Variants in RASAL1 observed in about 807,000 individuals in gnomAD.
RASAL1 encodes the protein rasGAP-activating-like protein 1.
Under a neutral mutation model 96.6 loss-of-function variants are expected in RASAL1, and 72 were observed. The observed-to-expected ratio is 0.75, with a 90% confidence interval of 0.62 to 0.91. The LOEUF is 0.91. RASAL1 is among the 40% of genes least tolerant of loss of function. RASAL1 has a pLI of 0.00. For synonymous variants in RASAL1, 405 were observed against 430.4 expected (o/e 0.94, Z 0.73); for missense variants, 1,016 against 1,072.5 (o/e 0.95, Z 0.74).
At chr12:113,117,377 A>G (rs899626109) in intron 7 of RASAL1, among the ~76,000 whole-genome samples, 1 of 152,208 alleles carries the variant, frequency 6.6e-6, no homozygotes, top group Non-Finnish European at 1.5e-5. Flanking sequence ...CACTTAATTT[A>G]CAGTTGAGGA....
chr12:113,133,816 C>CT (rs1206248510), intron 1 of RASAL1, among the ~76,000 whole-genome samples: 1 of 152,184 alleles, frequency 6.6e-6, no homozygotes, highest in Admixed American at 6.5e-5. Context: ...AGGGCATGAC[C>CT]TATTTCATAG....
At position 113,115,085 on chromosome 12, in the gene RASAL1, G is replaced by T; in HGVS notation, c.1068+115C>A. On this transcript the variant is annotated intron_variant, in intron 11 of 20. Transcript: ENST00000548055. This position sits in a 1 kb window ranked among gnomAD's most constrained non-coding sequence, Gnocchi z 4.1. The stretch of plus-strand genomic sequence containing the variant: ...AGGCCGGGCACCAGCCGCCAGCACT[G>T]CAGCTCGGCTGCTCAGTGCTGTCTG... 8.1e-7 allele frequency: 1 copy of T among 1,233,974 alleles called. No homozygotes were observed. The highest frequency in any genetic ancestry group is 1.2e-6 in the Non-Finnish European group (1 of 841,720). 76.4% of individuals were successfully genotyped at this position (1,233,974 alleles called of 1,614,324 possible). A position where few individuals can be genotyped will look rare whatever the true frequency, so the allele number is the denominator to read the frequency against.
At chr12:113,112,057 C>T (rs949017994) in intron 13 of RASAL1, 29 bp downstream of exon 13, 35 of 1,235,646 alleles carry the variant, frequency 2.8e-5, no homozygotes, top group Non-Finnish European at 3.4e-5. Flanking sequence ...CCGGCCTGTC[C>T]CCAGCCTCAG....
chr12:113,130,016 G>T lies in RASAL1; in HGVS notation c.122+869C>A, dbSNP rs562584127. On this transcript the variant is annotated intron_variant, in intron 2 of 20. Coordinates refer to ENST00000548055, the MANE Select transcript of RASAL1 (RefSeq NM_001301202.2). The surrounding 1 kb of genome is among the most constrained non-coding windows in gnomAD (Gnocchi z 5.1). ...GGACAGTGGAGGGGAGTCAGTGGAG[G>T]GGGGAGCTACAGCTGACCCCTCCCC... Among the ~76,000 whole-genome samples, 23 of 152,200 alleles carry T rather than the reference G, an allele frequency of 1.5e-4. No individual in the cohort carries two copies. The highest frequency in any genetic ancestry group is 9.2e-4 in the Admixed American group (14 of 15,296).
chr12:113,115,216 A>C lies in RASAL1; in HGVS notation c.1052T>G (p.Met351Arg), dbSNP rs150474525. The C allele has an allele frequency of 6.2e-7, 1 of 1,613,830 alleles. No individual in the cohort carries two copies. The highest frequency in any genetic ancestry group is 1.7e-5 in the Admixed American group (1 of 60,034). ...FRSNSLASKS[M>R]EQFMKLVGMP... ...CCTACTCACCTTCATAAACTGTTCC[A>C]TCGACTTGGATGCCAGGGAGTTAGA... Residue 351 changes from methionine to arginine, a missense_variant, in exon 11 of 21, where the codon ATG becomes AGG. Transcript: ENST00000548055. This position sits in a 1 kb window ranked among gnomAD's most constrained non-coding sequence, Gnocchi z 4.1.
chr12:113,134,492 G>C (rs961401416), intron 1 of RASAL1, among the ~76,000 whole-genome samples: 6 of 152,186 alleles, frequency 3.9e-5, no homozygotes, highest in Non-Finnish European at 7.3e-5. Flanking sequence ...CAACCAGATG[G>C]GGACTCCGGT....
Position 113,103,952 on chromosome 12 carries a change from G to T in RASAL1, c.2098C>A (p.Arg700Ser), listed in dbSNP as rs1218431068. 8 of 1,556,244 alleles carry T rather than the reference G, an allele frequency of 5.1e-6. No homozygotes were observed. In the East Asian group the frequency reaches 1.7e-4, roughly 33 times the overall value. The stretch of plus-strand genomic sequence containing the variant: ...GTCCGCCCTGCCCCCTCACCTGAGC[G>T]CTCAGCCTGGAGGCAGCAGGTCCAG... ...ARWTCCLQAE[R>S]SAAGCSRTHS... Residue 700 changes from arginine to serine, a missense_variant, in exon 18 of 21, where the codon CGC (arginine) becomes AGC (serine). Arg to Ser is a moderately radical substitution (Grantham distance 110, BLOSUM62 -1). Transcript: ENST00000548055.
In RASAL1 at chr12:113,130,224, C is replaced by A. The variant is rs537583070; in HGVS notation, c.122+661G>T. On this transcript the variant is annotated intron_variant, in intron 2 of 20. Transcript: ENST00000548055. This position sits in a 1 kb window ranked among gnomAD's most constrained non-coding sequence, Gnocchi z 5.1. Reference sequence around the variant, plus strand: ...GGGTGGGAGCCAAGCAGGGCGCAGCCTGATATCCCCCTGCGAGACTCACTG... The same window carrying A: ...GGGTGGGAGCCAAGCAGGGCGCAGCATGATATCCCCCTGCGAGACTCACTG... 6.6e-6 allele frequency among the ~76,000 whole-genome samples: 1 copy of A among 152,308 alleles called. No homozygotes were observed. Among genetic ancestry groups the A allele is most frequent in the Admixed American group, 6.5e-5 (1 of 15,306 alleles).
chr12:113,105,559 G>T (rs2136112765), intron 16 of RASAL1, among the ~76,000 whole-genome samples, 155 bp downstream of exon 16: 1 of 152,290 alleles, frequency 6.6e-6, no homozygotes, highest in East Asian at 1.9e-4. Flanking sequence ...GAACTTGTGA[G>T]CAGAGCCTGT....
intron 4 of RASAL1, among the ~76,000 whole-genome samples, chr12:113,123,863 G>A (rs948386467): frequency 1.3e-5 from 2 of 151,780 alleles, no homozygotes; most frequent in Admixed American, 6.6e-5. Context: ...GATTACACAC[G>A]TGAGCTATTC....
In RASAL1 at chr12:113,130,238, C is replaced by T. The variant is rs1228059528; in HGVS notation, c.122+647G>A. On this transcript the variant is annotated intron_variant, in intron 2 of 20. Coordinates refer to ENST00000548055, the MANE Select transcript of RASAL1 (RefSeq NM_001301202.2). The surrounding 1 kb of genome is among the most constrained non-coding windows in gnomAD (Gnocchi z 5.1). Reference sequence around the variant, plus strand: ...CAGGGCGCAGCCTGATATCCCCCTGCGAGACTCACTGACACCCCAAACATC... The same window carrying T: ...CAGGGCGCAGCCTGATATCCCCCTGTGAGACTCACTGACACCCCAAACATC... Among the ~76,000 whole-genome samples the T allele has an allele frequency of 2.0e-5, 3 of 152,190 alleles. No homozygotes were observed. The highest frequency in any genetic ancestry group is 1.9e-4 in the East Asian group (1 of 5,192).
chr12:113,100,211 G>A (rs190728846), intron 20 of RASAL1, 143 bp from the exon 21 acceptor site: 13 of 998,080 alleles, frequency 1.3e-5, no homozygotes, highest in African/African-American at 1.6e-5. Context: ...ACACAGCCCT[G>A]TGGCCTGATA....
rs931575922 is a variant in RASAL1 at position 113,135,232 on chromosome 12, G to A, written c.65+166C>T. ...GCCCCCCTCCCACCGGGACAGCCAT[G>A]GGCATGCGGCCTCTCGCCCCTTTAA... On this transcript the variant is annotated intron_variant, in intron 1 of 20. Transcript: ENST00000548055. The surrounding 1 kb of genome is among the most constrained non-coding windows in gnomAD (Gnocchi z 5.7). Among the ~76,000 whole-genome samples the A allele has an allele frequency of 1.3e-5, 2 of 152,048 alleles. No homozygotes were observed. Among genetic ancestry groups the A allele is most frequent in the African/African-American group, 2.4e-5 (1 of 41,404 alleles).
rs1185212164 is a variant in RASAL1, at chr12:113,099,847, G to A, written c.*82C>T. ...CCACAGAATCAAAGAGGTCCAAGGA[G>A]ACAGGAGACTCCCGGGGCAGGATGC... On this transcript the variant is annotated 3_prime_UTR_variant, in exon 21 of 21. Coordinates refer to ENST00000548055, the MANE Select transcript of RASAL1 (RefSeq NM_001301202.2). The A allele has an allele frequency of 2.6e-6, 4 of 1,524,754 alleles. No homozygotes were observed. Among genetic ancestry groups the A allele is most frequent in the Non-Finnish European group, 3.5e-6 (4 of 1,130,412 alleles). 94.5% of individuals were successfully genotyped at this position (1,524,754 alleles called of 1,614,324 possible).
chr12:113,107,027 A>G (rs1271193937), intron 15 of RASAL1, 70 bp downstream of exon 15: 5 of 1,480,582 alleles, frequency 3.4e-6, no homozygotes, highest in Non-Finnish European at 4.6e-6. Context: ...TGGAGGGGGA[A>G]AGGGGAAGTC....
chr12:113,134,710 C>A (rs778978397), intron 1 of RASAL1, among the ~76,000 whole-genome samples: 6 of 152,182 alleles, frequency 3.9e-5, no homozygotes, highest in Non-Finnish European at 5.9e-5. Flanking sequence ...CTGGGGGAAG[C>A]ATAGCTTGGG....
rs749954087 is a variant in RASAL1, at chr12:113,117,201, C to A, written c.643-40G>T. 7.0e-6 allele frequency: 10 copies of A among 1,426,020 alleles called. No homozygotes were observed. In the Admixed American group the frequency reaches 7.6e-5, roughly 11 times the overall value. The allele number at this position is 1,426,020 out of a possible 1,614,324, so 88.3% of individuals were successfully genotyped here. A position where few individuals can be genotyped will look rare whatever the true frequency, so the allele number is the denominator to read the frequency against. On this transcript the variant is annotated intron_variant, in intron 7 of 20. Transcript: ENST00000548055. ...ACACAGACCCTCAGCCGGGCCCTGG[C>A]CTGCCCTGCCCTGCCTGGCTCAGGT...
In RASAL1 at chr12:113,112,068, C is replaced by T. The variant is rs1950881882; in HGVS notation, c.1374+18G>A. 1 of 1,237,070 alleles carries T rather than the reference C, an allele frequency of 8.1e-7. No individual in the cohort carries two copies. Among genetic ancestry groups the T allele is most frequent in the Non-Finnish European group, 1.0e-6 (1 of 988,740 alleles). 76.6% of individuals were successfully genotyped at this position (1,237,070 alleles called of 1,614,324 possible). A position where few individuals can be genotyped will look rare whatever the true frequency, so the allele number is the denominator to read the frequency against. Reference sequence around the variant, plus strand: ...AGCTCCGGCCTGTCCCCAGCCTCAGCCTCCCATCCTGGCGCACCTGGTGCT... The same window carrying T: ...AGCTCCGGCCTGTCCCCAGCCTCAGTCTCCCATCCTGGCGCACCTGGTGCT... On this transcript the variant is annotated intron_variant, in intron 13 of 20. Transcript: ENST00000548055.
At position 113,135,304 on chromosome 12, in the gene RASAL1, C is replaced by A; in HGVS notation, c.65+94G>T. 1 of 1,245,202 alleles carries A rather than the reference C, an allele frequency of 8.0e-7. No individual in the cohort carries two copies. Among genetic ancestry groups the A allele is most frequent in the Non-Finnish European group, 1.1e-6 (1 of 881,372 alleles). 77.1% of individuals were successfully genotyped at this position (1,245,202 alleles called of 1,614,324 possible). ...GTCTTGGACAAGAACCCCTCGCCCT[C>A]CTGCCAACCCGCCCTGGCACGCGGA... On this transcript the variant is annotated intron_variant, in intron 1 of 20. Transcript: ENST00000548055. The surrounding 1 kb of genome is among the most constrained non-coding windows in gnomAD (Gnocchi z 5.7).
Sources: allele counts gnomAD v4.1 joint callset (sites outside exome capture counted in the v4.1 genomes callset), GRCh38; gene constraint gnomAD v4.1.1; non-coding constraint Gnocchi (gnomAD v3.1); transcripts MANE v1.5; gene names NCBI Gene and HGNC (gene_info 2026-07-23, HGNC 2026-07-21).